MACROD2: variants seen among roughly 807,000 people sequenced by gnomAD.
MACROD2 encodes ADP-ribose glycohydrolase MACROD2.
In MACROD2, 36 loss-of-function variants were observed where a neutral mutation model predicts 70.4. The ratio of observed to expected loss-of-function variants is 0.51; its 90% CI spans 0.39 to 0.68. The LOEUF (loss-of-function observed/expected upper bound fraction) is 0.68. Among genes scored for constraint, MACROD2 ranks in the 30% least tolerant of loss-of-function variants. The pLI is 0.00. For synonymous variants in MACROD2, 172 were observed against 178.8 expected (o/e 0.96, Z 0.30); for missense variants, 496 against 538.4 (o/e 0.92, Z 0.78).
intron 10 of MACROD2, among the ~76,000 whole-genome samples, chr20:15,929,875 T>C (rs1449501015): frequency 2.0e-5 from 3 of 152,184 alleles, no homozygotes; most frequent in Non-Finnish European, 4.4e-5. Context: ...TGATAAATAT[T>C]GGTTGAAAGA....
intron 17 of MACROD2, among the ~76,000 whole-genome samples, chr20:16,047,346 C>T (rs2067396829): frequency 6.6e-6 from 1 of 152,142 alleles, no homozygotes; most frequent in Non-Finnish European, 1.5e-5. Context: ...TGTAAAAAAT[C>T]AGGGATAGCA....
chr20:15,661,635 C>G (rs777545302), intron 8 of MACROD2, among the ~76,000 whole-genome samples: 1 of 152,168 alleles, frequency 6.6e-6, no homozygotes, highest in Non-Finnish European at 1.5e-5. Flanking sequence ...ATGAACTTTA[C>G]TGGGAACAAA....
At chr20:14,161,582 T>G (rs1041867037) in intron 3 of MACROD2, among the ~76,000 whole-genome samples, 1 of 151,612 alleles carries the variant, frequency 6.6e-6, no homozygotes, top group Non-Finnish European at 1.5e-5. Flanking sequence ...TTGGTTTTTT[T>G]TTTTTTTTTC....
chr20:15,127,649 C>T (rs1048800603), intron 5 of MACROD2, among the ~76,000 whole-genome samples: 4 of 152,098 alleles, frequency 2.6e-5, no homozygotes, highest in African/African-American at 9.7e-5. Flanking sequence ...CTGCTCACCA[C>T]TTGGCAACTG....
intron 4 of MACROD2, among the ~76,000 whole-genome samples, chr20:14,606,376 T>C (rs1982800687): frequency 6.6e-6 from 1 of 152,160 alleles, no homozygotes; most frequent in Admixed American, 6.6e-5. Flanking sequence ...GAATATTGTC[T>C]AAGAAATATA....
chr20:15,945,788 C>T (rs1601187212), intron 12 of MACROD2, among the ~76,000 whole-genome samples: 2 of 152,254 alleles, frequency 1.3e-5, no homozygotes, highest in Admixed American at 6.5e-5. Context: ...AAAGCTAGAA[C>T]CAGAATTTGG....
Position 14,446,947 on chromosome 20 carries a change from G to A in MACROD2, c.272-46532G>A, listed in dbSNP as rs927187332. ...CAGAGTGCTATTTTTTAGTTTTATCGGAGCCACCAAAATACAATATATATC... is the reference window on the plus strand; with the variant it reads ...CAGAGTGCTATTTTTTAGTTTTATCAGAGCCACCAAAATACAATATATATC... On this transcript the variant is annotated intron_variant, in intron 3 of 17. Transcript: ENST00000684519. 8.6e-5 allele frequency among the ~76,000 whole-genome samples: 13 copies of A among 152,030 alleles called. No individual in the cohort carries two copies. In the South Asian group the frequency reaches 1.2e-3, roughly 15 times the overall value.
intron 5 of MACROD2, among the ~76,000 whole-genome samples, chr20:14,879,551 A>C (rs184508267): frequency 1.2e-3 from 186 of 152,318 alleles, no homozygotes; most frequent in African/African-American, 4.4e-3. Flanking sequence ...AAATACTGTA[A>C]TAATGTGGCT....
At chr20:14,230,631 T>TATATATATATATATATATA (rs1569217269) in intron 3 of MACROD2, among the ~76,000 whole-genome samples, 2 of 94,260 alleles carry the variant, frequency 2.1e-5, no homozygotes, top group Non-Finnish European at 3.8e-5. Flanking sequence ...TCATTCATGT[T>TATATATATATATATATATA]TATATATATA....
rs1238862563 is a variant in MACROD2 at position 14,337,547 on chromosome 20, T to G, written c.272-155932T>G. 13 of 398,530 alleles carry G rather than the reference T, an allele frequency of 3.3e-5. No homozygotes were observed. The East Asian group carries it at 4.6e-4, about 14-fold the overall frequency. 24.7% of individuals were successfully genotyped at this position (398,530 alleles called of 1,614,324 possible). A position where few individuals can be genotyped will look rare whatever the true frequency, so the allele number is the denominator to read the frequency against. The stretch of plus-strand genomic sequence containing the variant: ...AGCCCACGGCAGCTGCAGGCTGAGC[T>G]TGTCCTGCTTCAGATCACTCCTACA... On this transcript the variant is annotated intron_variant, in intron 3 of 17. Transcript: ENST00000684519.
intron 6 of MACROD2, among the ~76,000 whole-genome samples, chr20:15,401,809 G>T (rs920843926): frequency 1.1e-4 from 16 of 152,304 alleles, no homozygotes; most frequent in African/African-American, 3.1e-4. Context: ...TTCAGAGCTG[G>T]ACAAAGGTGA....
chr20:15,556,971 C>T (rs1272162643), intron 8 of MACROD2, among the ~76,000 whole-genome samples: 1 of 152,024 alleles, frequency 6.6e-6, no homozygotes, highest in African/African-American at 2.4e-5. Context: ...TCAATTTTAC[C>T]TATCTAGGAC....
chr20:14,444,792 G>T (rs2084165264), intron 3 of MACROD2, among the ~76,000 whole-genome samples: 1 of 151,918 alleles, frequency 6.6e-6, no homozygotes, highest in Non-Finnish European at 1.5e-5. Context: ...ACGTCATGTA[G>T]TTCAGCAGAA....
In MACROD2 at chr20:14,871,320, C is replaced by T. The variant is rs564988288; in HGVS notation, c.418+186361C>T. On this transcript the variant is annotated intron_variant, in intron 5 of 17. Transcript: ENST00000684519. ...CCCATTAGACTAACAGTGGACCGCT[C>T]GGCTGAAACTCAGCATACAAGCCAG... is the stretch of plus-strand genomic sequence containing the variant. 3.3e-5 allele frequency among the ~76,000 whole-genome samples: 5 copies of T among 152,196 alleles called. No individual in the cohort carries two copies. In the East Asian group the frequency reaches 5.8e-4, roughly 18 times the overall value.
intron 10 of MACROD2, among the ~76,000 whole-genome samples, chr20:15,916,828 T>TC (rs2147279639): frequency 6.6e-6 from 1 of 152,286 alleles, no homozygotes; most frequent in East Asian, 1.9e-4. Flanking sequence ...GGGTAATCAC[T>TC]CCGCAATGAG....
chr20:14,113,228 GC>G (rs1041096894), intron 3 of MACROD2, among the ~76,000 whole-genome samples: 3 of 151,976 alleles, frequency 2.0e-5, no homozygotes, highest in Non-Finnish European at 2.9e-5. Context: ...AAAGGCAGCA[GC>G]TTTTTCACTA....
intron 5 of MACROD2, among the ~76,000 whole-genome samples, chr20:15,017,675 G>T (rs561295120): frequency 6.6e-6 from 1 of 152,182 alleles, no homozygotes; most frequent in South Asian, 2.1e-4. Context: ...AGGCATTTCC[G>T]TACATCTTCT....
chr20:15,927,944 G>A (rs1051610978), intron 10 of MACROD2, among the ~76,000 whole-genome samples: 6 of 152,116 alleles, frequency 3.9e-5, no homozygotes, highest in East Asian at 1.9e-4. Flanking sequence ...GGACAGAGTC[G>A]GAAGGGCTTC....
At chr20:14,863,331 G>A (rs576893379) in intron 5 of MACROD2, among the ~76,000 whole-genome samples, 9 of 152,044 alleles carry the variant, frequency 5.9e-5, no homozygotes, top group South Asian at 2.1e-4. Flanking sequence ...TTTTCTCCCC[G>A]ATCACACTGA....
Sources: allele counts gnomAD v4.1 joint callset (sites outside exome capture counted in the v4.1 genomes callset), GRCh38; gene constraint gnomAD v4.1.1; transcripts MANE v1.5; gene names NCBI Gene and HGNC (gene_info 2026-07-23, HGNC 2026-07-21).